The following ACACB variants were observed in gnomAD, a reference collection of about 807,000 sequenced individuals.
ACACB encodes the protein acetyl-CoA carboxylase 2.
A neutral mutation model predicts 278.8 loss-of-function variants in ACACB; 209 were observed. That is an observed-to-expected ratio of 0.75 (90% CI 0.67 to 0.84). The LOEUF (loss-of-function observed/expected upper bound fraction) is 0.84, where lower values mean the gene tolerates loss of function less well. Among genes scored for constraint, ACACB ranks in the 40% least tolerant of loss-of-function variants. The pLI, the probability that ACACB is intolerant of heterozygous loss-of-function variation, is 0.00. For synonymous variants in ACACB, 1,174 were observed against 1,285.6 expected, an observed-to-expected ratio of 0.91 and a Z score of 1.86; for missense variants, 2,850 against 3,269.0, an observed-to-expected ratio of 0.87 and a Z score of 3.13.
At chr12:109,126,458 A>T (rs2042681509) in intron 1 of ACACB, among the ~76,000 whole-genome samples, 1 of 152,142 alleles carries the variant, frequency 6.6e-6, no homozygotes, top group South Asian at 2.1e-4. Flanking sequence ...AGAGGTGGGA[A>T]GATTGCTTGA....
chr12:109,237,589 T>C (rs2046667928), intron 34 of ACACB, among the ~76,000 whole-genome samples: 1 of 152,116 alleles, frequency 6.6e-6, no homozygotes, highest in Admixed American at 6.5e-5. Flanking sequence ...CTTGGATCTG[T>C]TTCTTGTATT....
At chr12:109,168,767 A>G (rs1381742738) in intron 4 of ACACB, among the ~76,000 whole-genome samples, 5 of 152,156 alleles carry the variant, frequency 3.3e-5, no homozygotes, top group Admixed American at 3.3e-4. Context: ...GGCTGCAGTG[A>G]GCTGTGATTA....
At chr12:109,221,901 G>GCGC (rs1166735212) in intron 24 of ACACB, among the ~76,000 whole-genome samples, 1 of 150,150 alleles carries the variant, frequency 6.7e-6, no homozygotes, top group African/African-American at 2.5e-5. Flanking sequence ...TTTTGGGGGG[G>GCGC]AGACAGAGTC....
intron 28 of ACACB, among the ~76,000 whole-genome samples, chr12:109,229,679 A>C (rs2046413984): frequency 6.6e-6 from 1 of 151,920 alleles, no homozygotes; most frequent in African/African-American, 2.4e-5. Flanking sequence ...ACAGTCATGC[A>C]CCACCAAGCC....
At position 109,254,430 on chromosome 12, in the gene ACACB, G is replaced by GAGCA. The variant is rs2047173969; in HGVS notation, c.6166+96_6166+97insAGCA. 52 of 1,244,786 alleles carry GAGCA rather than the reference G, an allele frequency of 4.2e-5. No homozygotes were observed. The African/African-American group carries it at 5.7e-4, about 14-fold the overall frequency. The allele number at this position is 1,244,786 out of a possible 1,614,324, so 77.1% of individuals were successfully genotyped here. A position where few individuals can be genotyped will look rare whatever the true frequency, so the allele number is the denominator to read the frequency against. ...TTTGTCTCAAGCGCTTGAGACAAAG[G>GAGCA]CTTGATATTCGTTCTCATATCCCAG... On this transcript the variant is annotated intron_variant, in intron 44 of 52. Transcript: ENST00000338432.
intron 21 of ACACB, among the ~76,000 whole-genome samples, chr12:109,210,163 ATATGTATATATG>A (rs2045706519): frequency 2.2e-5 from 1 of 44,754 alleles, no homozygotes; most frequent in South Asian, 6.8e-4. Flanking sequence ...ACACGTGTGT[ATATGTATATATG>A]TATATATACA....
chr12:109,258,131 T>G lies in ACACB; in HGVS notation c.6264-137T>G. On this transcript the variant is annotated intron_variant, in intron 45 of 52. Transcript: ENST00000338432. ...AGGCTCTTACCATTTGGGGGCTTTT[T>G]CTTTGCCTTCCAATAAAATAATCCG... 3 of 653,590 alleles carry G rather than the reference T, an allele frequency of 4.6e-6. No individual in the cohort carries two copies. In the South Asian group the frequency reaches 6.2e-5, roughly 13 times the overall value. The allele number at this position is 653,590 out of a possible 1,614,324, so 40.5% of individuals were successfully genotyped here.
Position 109,242,498 on chromosome 12 carries a change from C to T in ACACB, c.5084C>T (p.Pro1695Leu), listed in dbSNP as rs1377834861. ...CAGCACGGGATGCTGATCAATACTC[C>T]CTACGTCACCAAGGATCTGCTCCAG... Reference protein sequence around the residue: ...GPQHGMLINTPYVTKDLLQAK... With the variant: ...GPQHGMLINTLYVTKDLLQAK... The change falls in exon 37 of 53, where the codon CCC (proline) becomes CTC (leucine). Residue 1695 changes from proline to leucine, a missense_variant. Coordinates refer to ENST00000338432, the MANE Select transcript of ACACB (RefSeq NM_001093.4). 6.2e-7 allele frequency: 1 copy of T among 1,614,016 alleles called. No individual in the cohort carries two copies. The highest frequency in any genetic ancestry group is 8.5e-7 in the Non-Finnish European group (1 of 1,180,012).
intron 11 of ACACB, among the ~76,000 whole-genome samples, chr12:109,181,669 A>T (rs889496994): frequency 6.6e-6 from 1 of 152,104 alleles, no homozygotes; most frequent in Non-Finnish European, 1.5e-5. Flanking sequence ...TTGAGTATAT[A>T]TTTAGCAGTA....
At chr12:109,213,148 C>G (rs558841149) in intron 22 of ACACB, among the ~76,000 whole-genome samples, 43 of 152,356 alleles carry the variant, frequency 2.8e-4, no homozygotes, top group Middle Eastern at 3.4e-3. Flanking sequence ...ACTGCAACCT[C>G]CGCCTCCCAG....
At position 109,138,904 on chromosome 12, in the gene ACACB, C is replaced by T. The variant is rs1207848870; in HGVS notation, c.-9-493C>T. Among the ~76,000 whole-genome samples the T allele has an allele frequency of 2.0e-5, 3 of 152,146 alleles. No individual in the cohort carries two copies. In the South Asian group the frequency reaches 6.2e-4, roughly 31 times the overall value. On this transcript the variant is annotated intron_variant, in intron 1 of 52. Transcript: ENST00000338432. The stretch of plus-strand genomic sequence containing the variant: ...CTTTATTGAGAGATAATTCACATGG[C>T]ATACAATCCACTCATGTAAAGGACA...
intron 24 of ACACB, among the ~76,000 whole-genome samples, chr12:109,221,372 A>G (rs12304751): frequency 0.13 from 20,017 of 152,132 alleles, 2,697 homozygotes; most frequent in African/African-American, 0.34. Flanking sequence ...TCTGATATTT[A>G]GCATTCATTG....
At chr12:109,264,206 T>G in intron 49 of ACACB, 26 bp from the exon 50 acceptor site, 1 of 1,610,888 alleles carries the variant, frequency 6.2e-7, no homozygotes, top group Non-Finnish European at 8.5e-7. Context: ...TTCCATGGCT[T>G]GACTGGCCTT....
intron 1 of ACACB, among the ~76,000 whole-genome samples, chr12:109,137,659 CAA>C (rs765734649): frequency 1.4e-4 from 16 of 117,588 alleles, no homozygotes; most frequent in Non-Finnish European, 1.8e-4. Flanking sequence ...GATTCTGACT[CAA>C]AAAAAAAAAA....
intron 43 of ACACB, among the ~76,000 whole-genome samples, chr12:109,253,908 TTCC>T (rs2047159358): frequency 6.6e-6 from 1 of 152,232 alleles, no homozygotes; most frequent in African/African-American, 2.4e-5. Context: ...TAAGATGTTT[TTCC>T]TCCTATCTGA....
intron 16 of ACACB, among the ~76,000 whole-genome samples, chr12:109,196,612 T>C (rs549099801): frequency 1.3e-5 from 2 of 152,184 alleles, no homozygotes; most frequent in African/African-American, 2.4e-5. Context: ...TTTCAACTTA[T>C]GAATTTTGCG....
At chr12:109,129,786 G>A (rs1348287550) in intron 1 of ACACB, among the ~76,000 whole-genome samples, 4 of 152,228 alleles carry the variant, frequency 2.6e-5, no homozygotes, top group Non-Finnish European at 5.9e-5. Context: ...GCCTGGGCTG[G>A]CCGATCCTTA....
At chr12:109,205,001 G>A (rs1043849148) in intron 19 of ACACB, among the ~76,000 whole-genome samples, 2 of 151,974 alleles carry the variant, frequency 1.3e-5, no homozygotes, top group Admixed American at 1.3e-4. Context: ...CCACAGGTTT[G>A]TGCGACCATG....
At position 109,253,167 on chromosome 12, in the gene ACACB, C is replaced by A; in HGVS notation, c.6045+9C>A. ...TGTCCTATATGCCAAAGGTGCAGTA[C>A]TCCCCCTGCAGCTTAGAACCTGGAA... On this transcript the variant is annotated intron_variant, in intron 43 of 52. Transcript: ENST00000338432. The A allele has an allele frequency of 6.4e-7, 1 of 1,554,884 alleles. No individual in the cohort carries two copies. Among genetic ancestry groups the A allele is most frequent in the Non-Finnish European group, 8.7e-7 (1 of 1,145,416 alleles).
Sources: allele counts gnomAD v4.1 joint callset (sites outside exome capture counted in the v4.1 genomes callset), GRCh38; gene constraint gnomAD v4.1.1; transcripts MANE v1.5; gene names NCBI Gene and HGNC (gene_info 2026-07-23, HGNC 2026-07-21).